The following CCNT2 variants were observed in gnomAD, a reference collection of about 807,000 sequenced individuals.
CCNT2 encodes the protein cyclin T2.
In CCNT2, 18 loss-of-function variants were observed where a neutral mutation model predicts 70.0. The ratio of observed to expected loss-of-function variants is 0.26; its 90% confidence interval spans 0.18 to 0.38. The LOEUF is 0.38. Among genes scored for constraint, CCNT2 ranks in the 10% least tolerant of loss-of-function variants. CCNT2 has a pLI of 1.00. For synonymous variants in CCNT2, 334 were observed against 313.3 expected (o/e 1.07, Z -0.70); for missense variants, 734 against 890.2 (o/e 0.82, Z 2.23).
intron 5 of CCNT2, chr2:134,945,153 TG>T: frequency 6.1e-6 from 6 of 985,410 alleles, no homozygotes; most frequent in Non-Finnish European, 7.2e-6. Context: ...CAATCCCTTT[TG>T]TAAAACCTTT....
chr2:134,945,252 AG>A, intron 5 of CCNT2: 1 of 985,382 alleles, frequency 1.0e-6, no homozygotes, highest in Non-Finnish European at 1.2e-6. Context: ...GGACGGTTAG[AG>A]GGGTGGAGTT....
At chr2:134,952,420 TAAGC>T (rs1682591006) in intron 7 of CCNT2, among the ~76,000 whole-genome samples, 1 of 152,250 alleles carries the variant, frequency 6.6e-6, no homozygotes. Context: ...AGATTCTAAT[TAAGC>T]AAGTAAAATC....
At chr2:134,942,025 C>T (rs1383099700) in intron 4 of CCNT2, among the ~76,000 whole-genome samples, 4 of 152,028 alleles carry the variant, frequency 2.6e-5, no homozygotes, top group African/African-American at 7.2e-5. Context: ...GTTGATTGCA[C>T]GTTGATAGCT....
At chr2:134,922,844 C>G (rs1680011950) in intron 2 of CCNT2, among the ~76,000 whole-genome samples, 1 of 152,074 alleles carries the variant, frequency 6.6e-6, no homozygotes, top group African/African-American at 2.4e-5. Flanking sequence ...AAGAGCACAC[C>G]CTTTTCTAAG....
intron 6 of CCNT2, among the ~76,000 whole-genome samples, chr2:134,947,213 G>A (rs990838636): frequency 6.6e-6 from 1 of 152,136 alleles, no homozygotes; most frequent in African/African-American, 2.4e-5. Context: ...TGAAAAACAA[G>A]GCATAGATTT....
intron 1 of CCNT2, among the ~76,000 whole-genome samples, chr2:134,919,409 G>A (rs551235054): frequency 6.6e-6 from 1 of 152,320 alleles, no homozygotes; most frequent in South Asian, 2.1e-4. Context: ...GTTTGCCGCA[G>A]CCTTTCCCGG....
At chr2:134,938,702 G>T (rs1681345843) in intron 3 of CCNT2, among the ~76,000 whole-genome samples, 1 of 152,204 alleles carries the variant, frequency 6.6e-6, no homozygotes, top group African/African-American at 2.4e-5. Flanking sequence ...TGAAGCACCA[G>T]TGCCTAGGTT....
At position 134,954,332 on chromosome 2, in the gene CCNT2, C is replaced by G; in HGVS notation, c.1877C>G (p.Ala626Gly). The G allele has an allele frequency of 1.9e-6, 3 of 1,614,140 alleles. No individual in the cohort carries two copies. Among genetic ancestry groups the G allele is most frequent in the Non-Finnish European group, 2.5e-6 (3 of 1,179,978 alleles). The change falls in exon 9 of 9, where the codon GCA becomes GGA. Residue 626 changes from alanine (A) to glycine (G), a missense_variant. Physicochemically the swap from Ala to Gly is moderately conservative, Grantham distance 60. Around this residue, in one of 3 missense-constraint regions of CCNT2, gnomAD observed 532 missense variants for 556.9 expected, o/e 0.96. Coordinates refer to ENST00000264157, the MANE Select transcript of CCNT2 (RefSeq NM_058241.3). ...AGGAAGAGGCTGCATGTCAATGATG[C>G]ATCTCACAACCACCACTCCAAAATG... ...SSRKRLHVND[A>G]SHNHHSKMSK...
At chr2:134,931,752 A>G (rs1027293761) in intron 2 of CCNT2, among the ~76,000 whole-genome samples, 5 of 152,164 alleles carry the variant, frequency 3.3e-5, no homozygotes, top group Non-Finnish European at 7.3e-5. Flanking sequence ...GTTTCACAAT[A>G]CAAGTCATTT....
At position 134,935,531 on chromosome 2, in the gene CCNT2, C is replaced by T. The variant is rs186077548; in HGVS notation, c.241-1310C>T. On this transcript the variant is annotated intron_variant, in intron 2 of 8. Coordinates refer to ENST00000264157, the MANE Select transcript of CCNT2 (RefSeq NM_058241.3). ...ATTGTTTCTGTACGGTAATTGTTGACGCCCCCTGCAAGACATAGTGAGGCT... is the reference window on the plus strand; with the variant it reads ...ATTGTTTCTGTACGGTAATTGTTGATGCCCCCTGCAAGACATAGTGAGGCT... Among the ~76,000 whole-genome samples, 32 of 152,278 alleles carry T rather than the reference C, an allele frequency of 2.1e-4. No homozygotes were observed. In the East Asian group the frequency reaches 4.8e-3, roughly 23 times the overall value.
chr2:134,954,088 A>G lies in CCNT2; in HGVS notation c.1633A>G (p.Ser545Gly). Residue 545 changes from serine to glycine, a missense_variant, in exon 9 of 9, where the codon AGC becomes GGC. Physicochemically the swap from Ser to Gly is moderately conservative, Grantham distance 56. Coordinates refer to ENST00000264157, the MANE Select transcript of CCNT2 (RefSeq NM_058241.3). Reference protein sequence around the residue: ...HSSSDEGSGKSKHSSPHISRD... With the variant: ...HSSSDEGSGKGKHSSPHISRD... ...CTCTTCTGATGAAGGCAGTGGGAAGAGCAAACATTCAAGCCCACATATTAG... is the reference window on the plus strand; with the variant it reads ...CTCTTCTGATGAAGGCAGTGGGAAGGGCAAACATTCAAGCCCACATATTAG... 6.2e-7 allele frequency: 1 copy of G among 1,614,168 alleles called. No individual in the cohort carries two copies. The highest frequency in any genetic ancestry group is 1.6e-4 in the Middle Eastern group (1 of 6,062).
At position 134,958,350 on chromosome 2, in the gene CCNT2, A is replaced by G. The variant is rs1442405003; in HGVS notation, c.*3702A>G. The G allele has an allele frequency of 2.6e-5, 4 of 152,242 alleles. No homozygotes were observed. The highest frequency in any genetic ancestry group is 4.4e-5 in the Non-Finnish European group (3 of 68,046). The allele number at this position is 152,242 out of a possible 1,614,324, so 9.4% of individuals were successfully genotyped here. On this transcript the variant is annotated 3_prime_UTR_variant, in exon 9 of 9. Transcript: ENST00000264157. Reference sequence around the variant, plus strand: ...GAAGAATCATGGATTCAGTATTTCTAACCTGATTACTGCCTCAGAGGCTGT... The same window carrying G: ...GAAGAATCATGGATTCAGTATTTCTGACCTGATTACTGCCTCAGAGGCTGT...
rs1385893797 is a variant in CCNT2 at position 134,954,456 on chromosome 2, C to T, written c.2001C>T (p.Pro667=). The change falls in exon 9 of 9, where the codon CCC becomes CCT. Residue 667 remains proline (P), a synonymous_variant. Transcript: ENST00000264157. ...SHNSVFNHPL[P]PPPPVTYQVG... The stretch of plus-strand genomic sequence containing the variant: ...ACTCTGTTTTTAACCATCCCTTACC[C>T]CCTCCTCCCCCTGTCACATACCAGG... The T allele has an allele frequency of 1.2e-6, 2 of 1,614,134 alleles. No homozygotes were observed. Among genetic ancestry groups the T allele is most frequent in the South Asian group, 2.2e-5 (2 of 91,082 alleles).
intron 4 of CCNT2, among the ~76,000 whole-genome samples, chr2:134,941,512 A>G (rs1222981544): frequency 1.3e-5 from 2 of 152,176 alleles, no homozygotes; most frequent in Non-Finnish European, 1.5e-5. Context: ...TTTCGACTGC[A>G]TGGGGATCGG....
chr2:134,951,779 A>C (rs1682523062), intron 7 of CCNT2, among the ~76,000 whole-genome samples: 1 of 152,200 alleles, frequency 6.6e-6, no homozygotes, highest in African/African-American at 2.4e-5. Context: ...ACAATATATG[A>C]TTATCAAAAC....
At chr2:134,943,377 G>A in intron 5 of CCNT2, 3 of 917,850 alleles carry the variant, frequency 3.3e-6, no homozygotes. Flanking sequence ...CTCTACCTTG[G>A]GCAGCAAGAG....
At chr2:134,950,258 A>C (rs1353034952) in intron 7 of CCNT2, among the ~76,000 whole-genome samples, 1 of 152,210 alleles carries the variant, frequency 6.6e-6, no homozygotes, top group Non-Finnish European at 1.5e-5. Context: ...TCTGAAAAGT[A>C]AAGTTTGTTA....
rs549445808 is a variant in CCNT2 at position 134,934,187 on chromosome 2, G to A, written c.241-2654G>A. ...GTTCAAACAATTCTAAACACTATTC[G>A]CATCAACTTCCTTTTACTTTTTTCC... is the stretch of plus-strand genomic sequence containing the variant. On this transcript the variant is annotated intron_variant, in intron 2 of 8. Transcript: ENST00000264157. Among the ~76,000 whole-genome samples the A allele has an allele frequency of 3.9e-5, 6 of 152,178 alleles. No homozygotes were observed. The East Asian group carries it at 7.7e-4, about 20-fold the overall frequency.
At chr2:134,946,940 A>G (rs1010988013) in intron 6 of CCNT2, among the ~76,000 whole-genome samples, 1 of 152,188 alleles carries the variant, frequency 6.6e-6, no homozygotes, top group Non-Finnish European at 1.5e-5. Context: ...GATAAGTTTT[A>G]TTTACAATTT....
Sources: gnomAD v4.1 joint callset for allele counts (sites outside exome capture counted in the v4.1 genomes callset) on GRCh38, gnomAD v4.1.1 for gene constraint, gnomAD v4.1.1 regional missense constraint, MANE v1.5 for transcripts, NCBI Gene and HGNC (gene_info 2026-07-23, HGNC 2026-07-21) for gene names.